The following KCNT2 variants were observed in gnomAD, a reference collection of about 807,000 sequenced individuals.
KCNT2 encodes the protein potassium sodium-activated channel subfamily T member 2.
KCNT2 carries 67 observed loss-of-function variants against 153.8 expected under a neutral mutation model. The observed-to-expected ratio is 0.44, with a 90% CI of 0.36 to 0.53. KCNT2 has a LOEUF of 0.53. Ranked by LOEUF, KCNT2 falls within the 20% of genes least tolerant of loss-of-function variation. The pLI is 0.00. For synonymous variants in KCNT2, 500 were observed against 458.8 expected, an observed-to-expected ratio of 1.09 and a Z score of -1.15; for missense variants, 975 against 1,354.8, an observed-to-expected ratio of 0.72 and a Z score of 4.40.
intron 1 of KCNT2, among the ~76,000 whole-genome samples, chr1:196,602,180 C>T (rs748768076): frequency 5.9e-5 from 9 of 152,070 alleles, no homozygotes; most frequent in African/African-American, 1.9e-4. Context: ...TGAAGGATAC[C>T]GCTAAACATT....
intron 8 of KCNT2, among the ~76,000 whole-genome samples, chr1:196,460,533 G>A (rs1368624130): frequency 6.6e-6 from 1 of 151,622 alleles, no homozygotes; most frequent in Non-Finnish European, 1.5e-5. Context: ...GGTAAGAAAG[G>A]CAAATTGAGT....
At chr1:196,491,245 G>C (rs1679837856) in intron 2 of KCNT2, among the ~76,000 whole-genome samples, 2 of 152,060 alleles carry the variant, frequency 1.3e-5, no homozygotes, top group African/African-American at 4.8e-5. Context: ...TATTTATGGG[G>C]CTTCCTTGGA....
At chr1:196,411,062 CTT>C (rs1672267184) in intron 12 of KCNT2, among the ~76,000 whole-genome samples, 100 of 750 alleles carry the variant, frequency 0.13, 2 homozygotes, top group African/African-American at 0.16. Context: ...CTATTCCCTC[CTT>C]CCTTCCTTCC....
rs991905299 is a variant in KCNT2, at chr1:196,258,001, C to T, written c.3211+193G>A. 76 of 1,396,302 alleles carry T rather than the reference C, an allele frequency of 5.4e-5. No individual in the cohort carries two copies. In the African/African-American group the frequency reaches 7.7e-4, roughly 14 times the overall value. The allele number at this position is 1,396,302 out of a possible 1,614,324, so 86.5% of individuals were successfully genotyped here. On this transcript the variant is annotated intron_variant, in intron 26 of 27. Coordinates refer to ENST00000294725, the MANE Select transcript of KCNT2 (RefSeq NM_198503.5). The stretch of plus-strand genomic sequence containing the variant: ...CACAGTACCTAGCAGACTCAGCAAA[C>T]GCTGAAAATTTTTAGCATTTTATCT...
In KCNT2 at chr1:196,602,463, C is replaced by A. The variant is rs374131068; in HGVS notation, c.95+5752G>T. ...TATTGGAACATAATACCGAATGTGA[C>A]AGTATTCAGTGGAGCCCCAGGGAAA... is the stretch of plus-strand genomic sequence containing the variant. On this transcript the variant is annotated intron_variant, in intron 1 of 27. Transcript: ENST00000294725. Among the ~76,000 whole-genome samples the A allele has an allele frequency of 3.3e-5, 5 of 152,280 alleles. No individual in the cohort carries two copies. In the East Asian group the frequency reaches 9.6e-4, roughly 29 times the overall value.
At chr1:196,295,155 T>C (rs1486247318) in intron 22 of KCNT2, among the ~76,000 whole-genome samples, 1 of 151,554 alleles carries the variant, frequency 6.6e-6, no homozygotes, top group African/African-American at 2.4e-5. Context: ...TATGTATATA[T>C]GTGTATATAT....
rs551948524 is a variant in KCNT2 at position 196,484,393 on chromosome 1, T to C, written c.276-2014A>G. 5.5e-4 allele frequency among the ~76,000 whole-genome samples: 83 copies of C among 152,236 alleles called. 1 individual carries two copies. The South Asian group carries it at 0.01, about 19-fold the overall frequency. ...GGGTTGTTTTTTTCATGTAAATTTGTTTTAGTTCCTTGTAAATTATGGATA... is the reference window on the plus strand; with the variant it reads ...GGGTTGTTTTTTTCATGTAAATTTGCTTTAGTTCCTTGTAAATTATGGATA... On this transcript the variant is annotated intron_variant, in intron 3 of 27. Coordinates refer to ENST00000294725, the MANE Select transcript of KCNT2 (RefSeq NM_198503.5).
intron 1 of KCNT2, among the ~76,000 whole-genome samples, chr1:196,553,914 A>G (rs1328645904): frequency 6.6e-6 from 1 of 151,320 alleles, no homozygotes; most frequent in African/African-American, 2.4e-5. Context: ...GGAAATTGAA[A>G]AATTTCTTGA....
At chr1:196,356,202 T>C (rs1191489603) in intron 14 of KCNT2, among the ~76,000 whole-genome samples, 1 of 151,740 alleles carries the variant, frequency 6.6e-6, no homozygotes, top group Non-Finnish European at 1.5e-5. Flanking sequence ...TAACTAAAAA[T>C]AATCTTCATT....
intron 7 of KCNT2, among the ~76,000 whole-genome samples, chr1:196,466,769 G>A (rs1057510186): frequency 1.3e-5 from 2 of 152,040 alleles, no homozygotes; most frequent in Non-Finnish European, 2.9e-5. Flanking sequence ...AGTATATAGT[G>A]AACATGTATT....
intron 16 of KCNT2, among the ~76,000 whole-genome samples, chr1:196,336,972 C>T (rs1386857390): frequency 6.6e-6 from 1 of 151,724 alleles, no homozygotes; most frequent in African/African-American, 2.4e-5. Context: ...TTATTTTTTC[C>T]TGCCTGTACT....
chr1:196,551,955 G>C (rs990011799), intron 1 of KCNT2, among the ~76,000 whole-genome samples: 5 of 151,428 alleles, frequency 3.3e-5, no homozygotes, highest in African/African-American at 1.2e-4. Context: ...ATTGTAAGGA[G>C]TATATAATGG....
intron 21 of KCNT2, among the ~76,000 whole-genome samples, chr1:196,313,936 A>C (rs1383632190): frequency 6.6e-6 from 1 of 151,672 alleles, no homozygotes; most frequent in African/African-American, 2.4e-5. Flanking sequence ...AAAGTTATTA[A>C]TTCATTCATT....
At chr1:196,477,743 T>C (rs1264310527) in intron 5 of KCNT2, among the ~76,000 whole-genome samples, 1 of 152,226 alleles carries the variant, frequency 6.6e-6, no homozygotes, top group Non-Finnish European at 1.5e-5. Flanking sequence ...CTATCTTTTC[T>C]AACTTCTCTG....
chr1:196,339,279 A>C (rs768882170), intron 16 of KCNT2, among the ~76,000 whole-genome samples: 8 of 152,062 alleles, frequency 5.3e-5, no homozygotes, highest in Non-Finnish European at 1.2e-4. Context: ...CTGTGAAGAC[A>C]ATCATTTTAG....
chr1:196,430,915 C>T (rs1237778516), intron 8 of KCNT2, among the ~76,000 whole-genome samples: 1 of 152,100 alleles, frequency 6.6e-6, no homozygotes, highest in East Asian at 1.9e-4. Flanking sequence ...GTGTCCCCTC[C>T]AAAATTCATG....
intron 1 of KCNT2, among the ~76,000 whole-genome samples, chr1:196,494,250 T>C (rs907443307): frequency 1.3e-5 from 2 of 152,196 alleles, no homozygotes; most frequent in African/African-American, 2.4e-5. Context: ...TATGGCTACA[T>C]AAACAAATTT....
chr1:196,391,314 CA>C (rs931833467), intron 13 of KCNT2, among the ~76,000 whole-genome samples: 6 of 151,200 alleles, frequency 4.0e-5, no homozygotes, highest in Admixed American at 3.3e-4. Flanking sequence ...GATCATAGTA[CA>C]AATCTAGAAA....
chr1:196,432,046 T>A lies in KCNT2; in HGVS notation c.639-2289A>T, dbSNP rs545036156. Among the ~76,000 whole-genome samples, 148 of 152,110 alleles carry A rather than the reference T, an allele frequency of 9.7e-4. 1 individual carries two copies. Among genetic ancestry groups the A allele is most frequent in the African/African-American group, 2.0e-3 (85 of 41,526 alleles). On this transcript the variant is annotated intron_variant, in intron 8 of 27. Coordinates refer to ENST00000294725, the MANE Select transcript of KCNT2 (RefSeq NM_198503.5). ...TTTCAACGGAGGAAACCAGGGCACGTTTGGGGCCTCAAGAGTCAGCTTTCT... is the reference window on the plus strand; with the variant it reads ...TTTCAACGGAGGAAACCAGGGCACGATTGGGGCCTCAAGAGTCAGCTTTCT...
Sources: allele counts gnomAD v4.1 joint callset (sites outside exome capture counted in the v4.1 genomes callset), GRCh38; gene constraint gnomAD v4.1.1; transcripts MANE v1.5; gene names NCBI Gene and HGNC (gene_info 2026-07-23, HGNC 2026-07-21).